Variants in STK38L observed in about 807,000 individuals in gnomAD.
The protein encoded by STK38L is serine/threonine-protein kinase 38-like.
Under a neutral mutation model 59.7 loss-of-function variants are expected in STK38L, and 28 were observed. That is an observed-to-expected ratio of 0.47 (90% CI 0.35 to 0.64). The LOEUF (loss-of-function observed/expected upper bound fraction) is 0.64, where lower values mean the gene tolerates loss of function less well. STK38L is among the 30% of genes least tolerant of loss of function. STK38L has a pLI of 0.01. For missense variants in STK38L, 314 were observed against 555.8 expected, an observed-to-expected ratio of 0.56 and a Z score of 4.37; for synonymous variants, 162 against 176.8, an observed-to-expected ratio of 0.92 and a Z score of 0.66.
intron 9 of STK38L, 126 bp from the exon 10 acceptor site, chr12:27,317,210 C>A: frequency 1.5e-6 from 1 of 670,664 alleles, no homozygotes; most frequent in Non-Finnish European, 2.6e-6. Context: ...ACATGATAAA[C>A]ATGCAAAATA....
intron 3 of STK38L, among the ~76,000 whole-genome samples, chr12:27,306,752 C>CACAT (rs1491536388): frequency 7.2e-6 from 1 of 139,636 alleles, no homozygotes. Context: ...CACACACACA[C>CACAT]ATATATTTGA....
Position 27,322,642 on chromosome 12 carries a change from C to CT in STK38L, c.*195dup, listed in dbSNP as rs1434288704. The CT allele has an allele frequency of 4.4e-5, 25 of 573,336 alleles. No homozygotes were observed. The highest frequency in any genetic ancestry group is 1.5e-4 in the South Asian group (3 of 20,554). The allele number at this position is 573,336 out of a possible 1,614,324, so 35.5% of individuals were successfully genotyped here. On this transcript the variant is annotated 3_prime_UTR_variant, in exon 14 of 14. Coordinates refer to ENST00000389032, the MANE Select transcript of STK38L (RefSeq NM_015000.4). ...AATTGGTTGGCAGTGCCAGCTGGCTCTTTTTTTTAATATTTTATTATTTTT... is the reference window on the plus strand; with the variant it reads ...AATTGGTTGGCAGTGCCAGCTGGCTCTTTTTTTTTAATATTTTATTATTTTT...
intron 2 of STK38L, among the ~76,000 whole-genome samples, chr12:27,301,156 T>C (rs761729178): frequency 3.6e-4 from 55 of 152,238 alleles, no homozygotes; most frequent in Non-Finnish European, 7.2e-4. Context: ...TTACCCCAGA[T>C]GCTCAGCTTA....
intron 1 of STK38L, among the ~76,000 whole-genome samples, chr12:27,258,673 A>G (rs1236267910): frequency 1.3e-5 from 2 of 152,186 alleles, no homozygotes; most frequent in East Asian, 3.8e-4. Flanking sequence ...ATTTGTATTT[A>G]GCATTTGATT....
At chr12:27,300,460 G>C in intron 2 of STK38L, 1 of 447,412 alleles carries the variant, frequency 2.2e-6, no homozygotes, top group South Asian at 1.6e-5. Context: ...CTGAGGAAAG[G>C]GACAGTGGAA....
intron 3 of STK38L, among the ~76,000 whole-genome samples, chr12:27,305,581 CT>C (rs1944291370): frequency 6.6e-6 from 1 of 152,110 alleles, no homozygotes; most frequent in Non-Finnish European, 1.5e-5. Context: ...ATAAAATTGT[CT>C]CATAAAAATA....
In STK38L at chr12:27,308,524, G is replaced by A. The variant is rs1944370548; in HGVS notation, c.309+63G>A. On this transcript the variant is annotated intron_variant, in intron 4 of 13. Coordinates refer to ENST00000389032, the MANE Select transcript of STK38L (RefSeq NM_015000.4). This position sits in a 1 kb window ranked among gnomAD's most constrained non-coding sequence, Gnocchi z 4.5. ...TATATCTTAAGATAATTTAAAATAT[G>A]TGTTAAAATATAATTCCTGGCTGGG... The A allele has an allele frequency of 7.2e-7, 1 of 1,396,378 alleles. No individual in the cohort carries two copies. The highest frequency in any genetic ancestry group is 2.6e-5 in the Admixed American group (1 of 38,130). 86.5% of individuals were successfully genotyped at this position (1,396,378 alleles called of 1,614,324 possible). A position where few individuals can be genotyped will look rare whatever the true frequency, so the allele number is the denominator to read the frequency against.
At chr12:27,248,596 T>G (rs1942906940) in intron 1 of STK38L, among the ~76,000 whole-genome samples, 1 of 152,172 alleles carries the variant, frequency 6.6e-6, no homozygotes, top group Non-Finnish European at 1.5e-5. Flanking sequence ...ATCCAGACTC[T>G]TCAGCTTCTT....
intron 12 of STK38L, among the ~76,000 whole-genome samples, chr12:27,320,717 T>C (rs967518678): frequency 1.3e-5 from 2 of 152,080 alleles, no homozygotes; most frequent in East Asian, 3.9e-4. Flanking sequence ...ATCCCTGTCT[T>C]ACAAGTGAGG....
intron 1 of STK38L, among the ~76,000 whole-genome samples, chr12:27,292,330 AC>A (rs1456955581): frequency 1.3e-5 from 2 of 152,214 alleles, no homozygotes; most frequent in East Asian, 1.9e-4. Flanking sequence ...TAAGAAGGAA[AC>A]AAATTTTTCT....
At chr12:27,292,122 C>G (rs1171723717) in intron 1 of STK38L, among the ~76,000 whole-genome samples, 4 of 152,182 alleles carry the variant, frequency 2.6e-5, no homozygotes, top group African/African-American at 4.8e-5. Context: ...TCCAGGAATT[C>G]TAGACTTGCA....
intron 12 of STK38L, among the ~76,000 whole-genome samples, chr12:27,320,148 G>C (rs1195296874): frequency 6.6e-6 from 1 of 152,152 alleles, no homozygotes; most frequent in Non-Finnish European, 1.5e-5. Flanking sequence ...TCTCCCTGCT[G>C]CCTCTACCCC....
intron 1 of STK38L, among the ~76,000 whole-genome samples, chr12:27,279,892 A>G (rs1251229379): frequency 6.6e-6 from 1 of 152,170 alleles, no homozygotes; most frequent in Non-Finnish European, 1.5e-5. Context: ...ATGAAAGACC[A>G]TATAGCTGAG....
chr12:27,256,245 GT>G (rs1943089739), intron 1 of STK38L, among the ~76,000 whole-genome samples: 1 of 152,146 alleles, frequency 6.6e-6, no homozygotes, highest in Non-Finnish European at 1.5e-5. Flanking sequence ...ATCTCATTAT[GT>G]AACTTTCATC....
At chr12:27,299,126 A>T (rs1467892532) in intron 2 of STK38L, among the ~76,000 whole-genome samples, 1 of 152,194 alleles carries the variant, frequency 6.6e-6, no homozygotes, top group African/African-American at 2.4e-5. Context: ...AAAATATGAA[A>T]TGTGAGGGAA....
At chr12:27,317,798 A>G in intron 10 of STK38L, 98 bp from the exon 11 acceptor site, 20 of 1,457,358 alleles carry the variant, frequency 1.4e-5, no homozygotes, top group Non-Finnish European at 1.9e-5. Flanking sequence ...TAAATAGAGC[A>G]CTCAGGGTTG....
At chr12:27,314,007 T>A (rs10842900) in intron 6 of STK38L, among the ~76,000 whole-genome samples, 2 of 151,974 alleles carry the variant, frequency 1.3e-5, no homozygotes, top group South Asian at 2.1e-4. Flanking sequence ...GGTCTCTGCC[T>A]TAAAACCATT....
At chr12:27,284,308 T>TAACCTTC (rs1203304908) in intron 1 of STK38L, among the ~76,000 whole-genome samples, 2 of 152,172 alleles carry the variant, frequency 1.3e-5, no homozygotes, top group Non-Finnish European at 2.9e-5. Flanking sequence ...ACCTGAAGGT[T>TAACCTTC]AGGTGACATG....
At chr12:27,282,358 G>A (rs528756028) in intron 1 of STK38L, among the ~76,000 whole-genome samples, 1 of 152,226 alleles carries the variant, frequency 6.6e-6, no homozygotes, top group Admixed American at 6.5e-5. Flanking sequence ...TATTTAAAAT[G>A]GCCTGTGATA....
Sources: gnomAD v4.1 joint callset for allele counts (sites outside exome capture counted in the v4.1 genomes callset) on GRCh38, gnomAD v4.1.1 for gene constraint, Gnocchi (gnomAD v3.1) non-coding constraint, MANE v1.5 for transcripts, NCBI Gene and HGNC (gene_info 2026-07-23, HGNC 2026-07-21) for gene names.